DENND5A: variants seen among roughly 807,000 people sequenced by gnomAD.
The protein encoded by DENND5A is DENN domain-containing protein 5A.
DENND5A carries 64 observed loss-of-function variants against 140.3 expected under a neutral mutation model. The ratio of observed to expected loss-of-function variants is 0.46; its 90% confidence interval spans 0.37 to 0.56. DENND5A has a LOEUF of 0.56. DENND5A is among the 20% of genes least tolerant of loss of function. The pLI is 0.00. For missense variants in DENND5A, 1,292 were observed against 1,593.8 expected (o/e 0.81, Z 3.22); for synonymous variants, 605 against 607.7 (o/e 1.00, Z 0.07).
At chr11:9,234,916 C>G (rs1850938186) in intron 1 of DENND5A, among the ~76,000 whole-genome samples, 1 of 152,154 alleles carries the variant, frequency 6.6e-6, no homozygotes, top group Admixed American at 6.5e-5. Context: ...AGCTGTGAGA[C>G]TCCCGATTTC....
chr11:9,222,115 A>G (rs1467326517), intron 1 of DENND5A, among the ~76,000 whole-genome samples: 2 of 152,168 alleles, frequency 1.3e-5, no homozygotes, highest in Non-Finnish European at 2.9e-5. Flanking sequence ...AGAGGACATG[A>G]GCTTTTTCTA....
chr11:9,247,796 G>A (rs1179133892), intron 1 of DENND5A, among the ~76,000 whole-genome samples: 1 of 152,092 alleles, frequency 6.6e-6, no homozygotes, highest in African/African-American at 2.4e-5. Context: ...GCTAGATCTG[G>A]GAAAGCCCTG....
At chr11:9,260,728 C>A (rs1460690881) in intron 1 of DENND5A, among the ~76,000 whole-genome samples, 1 of 152,176 alleles carries the variant, frequency 6.6e-6, no homozygotes, top group Non-Finnish European at 1.5e-5. Flanking sequence ...TGCCTAAATG[C>A]TGAGTCTGCA....
intron 3 of DENND5A, among the ~76,000 whole-genome samples, chr11:9,206,335 G>T (rs892758718): frequency 1.3e-5 from 2 of 152,008 alleles, no homozygotes; most frequent in Non-Finnish European, 2.9e-5. Flanking sequence ...CAGAATGAAA[G>T]AAAACAATTT....
rs1851549600 is a variant in DENND5A, at chr11:9,247,952, T to C, written c.109+17009A>G. On this transcript the variant is annotated intron_variant, in intron 1 of 22. Transcript: ENST00000328194. ...GGGTCTGCTATGTGTCATATGATGCTAGATAGAGTCAGGTTGGAATTTGGT... is the reference window on the plus strand; with the variant it reads ...GGGTCTGCTATGTGTCATATGATGCCAGATAGAGTCAGGTTGGAATTTGGT... Among the ~76,000 whole-genome samples, 3 of 152,126 alleles carry C rather than the reference T, an allele frequency of 2.0e-5. No individual in the cohort carries two copies. In the South Asian group the frequency reaches 6.2e-4, roughly 32 times the overall value.
At chr11:9,263,036 C>A (rs756540740) in intron 1 of DENND5A, among the ~76,000 whole-genome samples, 1 of 151,926 alleles carries the variant, frequency 6.6e-6, no homozygotes, top group Non-Finnish European at 1.5e-5. Context: ...CCACCGCGCC[C>A]GGCCTAAAAC....
intron 1 of DENND5A, among the ~76,000 whole-genome samples, chr11:9,256,101 A>G (rs1308006159): frequency 6.6e-6 from 1 of 152,162 alleles, no homozygotes; most frequent in Non-Finnish European, 1.5e-5. Context: ...GCAAAGAGAA[A>G]TGAAAACATA....
intron 1 of DENND5A, among the ~76,000 whole-genome samples, chr11:9,256,061 T>C (rs1239108327): frequency 3.3e-5 from 5 of 150,248 alleles, no homozygotes. Flanking sequence ...AGTTACTATA[T>C]GACCCAGTAA....
chr11:9,264,726 T>G (rs1442667098), intron 1 of DENND5A, among the ~76,000 whole-genome samples: 1 of 152,132 alleles, frequency 6.6e-6, no homozygotes, highest in Non-Finnish European at 1.5e-5. Context: ...CTCTTTCTGG[T>G]CGCCGAAGAC....
chr11:9,191,046 A>G (rs554377342), intron 5 of DENND5A, among the ~76,000 whole-genome samples: 1 of 152,274 alleles, frequency 6.6e-6, no homozygotes, highest in African/African-American at 2.4e-5. Flanking sequence ...CCCAAGAACC[A>G]CTTATGAAGC....
At chr11:9,142,554 G>A (rs1338098101) in intron 21 of DENND5A, among the ~76,000 whole-genome samples, 168 bp downstream of exon 21, 1 of 152,200 alleles carries the variant, frequency 6.6e-6, no homozygotes, top group African/African-American at 2.4e-5. Flanking sequence ...AGGACGGGGA[G>A]GAGAGCTCTT....
At chr11:9,141,727 C>T (rs897820112) in intron 22 of DENND5A, among the ~76,000 whole-genome samples, 4 of 152,158 alleles carry the variant, frequency 2.6e-5, no homozygotes, top group Non-Finnish European at 4.4e-5. Context: ...ATAAACAGTC[C>T]GTCACTGACA....
At chr11:9,224,953 C>T (rs1314092522) in intron 1 of DENND5A, among the ~76,000 whole-genome samples, 1 of 151,984 alleles carries the variant, frequency 6.6e-6, no homozygotes, top group Non-Finnish European at 1.5e-5. Context: ...AGGGTCAGAG[C>T]CATTTACTGG....
intron 1 of DENND5A, among the ~76,000 whole-genome samples, chr11:9,245,912 G>A (rs548469653): frequency 5.3e-5 from 8 of 152,280 alleles, no homozygotes; most frequent in Admixed American, 4.6e-4. Flanking sequence ...GGGATTATAG[G>A]CGTGAGCCAC....
At chr11:9,190,518 A>G (rs1018276753) in intron 5 of DENND5A, among the ~76,000 whole-genome samples, 1 of 152,172 alleles carries the variant, frequency 6.6e-6, no homozygotes, top group Non-Finnish European at 1.5e-5. Flanking sequence ...GCTGCCATCC[A>G]TGTAAGACGT....
intron 1 of DENND5A, among the ~76,000 whole-genome samples, chr11:9,209,054 A>G (rs866113461): frequency 3.3e-4 from 51 of 152,248 alleles, no homozygotes; most frequent in African/African-American, 1.2e-3. Flanking sequence ...CTGAAAGAAG[A>G]TAACTGTTTC....
At position 9,145,756 on chromosome 11, in the gene DENND5A, C is replaced by T; in HGVS notation, c.2917G>A (p.Ala973Thr). The change falls in exon 17 of 23, where the codon GCC becomes ACC. Residue 973 changes from alanine (A) to threonine (T), a missense_variant. By Grantham distance (58) the Ala-to-Thr change is moderately conservative. This residue lies in a region of DENND5A where 498 missense variants were observed against 689.7 expected (regional missense o/e 0.72). Transcript: ENST00000328194. ...SKKLGGSMFT[A>T]NPWICISGEL... ...CCTGATATACAGATCCATGGGTTGG[C>T]AGTGAACATGGAGCCCCCCAGCTTC... 1.2e-6 allele frequency: 2 copies of T among 1,614,166 alleles called. No homozygotes were observed. Among genetic ancestry groups the T allele is most frequent in the Non-Finnish European group, 1.7e-6 (2 of 1,180,006 alleles).
At chr11:9,215,551 T>TTC (rs10642761) in intron 1 of DENND5A, among the ~76,000 whole-genome samples, 4 of 14,986 alleles carry the variant, frequency 2.7e-4, no homozygotes, top group Non-Finnish European at 4.3e-4. Flanking sequence ...TCCTGTGTTC[T>TTC]TTTTTTTTTT....
rs376302566 is a variant in DENND5A at position 9,204,144 on chromosome 11, G to A, written c.465C>T (p.His155=). The change falls in exon 4 of 23, where the codon CAC becomes CAT. Residue 155 remains histidine (H), a synonymous_variant. Transcript: ENST00000328194. ...QICSAMQTLY[H]MHNAEYDVLH... is the part of the protein sequence containing the mutation. ...GGACATCATACTCAGCATTGTGCAT[G>A]TGGTAGAGGGTCTGCATTGCACTGC... 1.2e-6 allele frequency: 2 copies of A among 1,614,074 alleles called. No individual in the cohort carries two copies. Among genetic ancestry groups the A allele is most frequent in the Non-Finnish European group, 1.7e-6 (2 of 1,180,040 alleles).
Sources: allele counts gnomAD v4.1 joint callset (sites outside exome capture counted in the v4.1 genomes callset), GRCh38; gene constraint gnomAD v4.1.1; regional missense constraint gnomAD v4.1.1; transcripts MANE v1.5; gene names NCBI Gene and HGNC (gene_info 2026-07-23, HGNC 2026-07-21).